LAMA2: variants seen among roughly 807,000 people sequenced by gnomAD.
LAMA2 encodes the protein laminin subunit alpha 2, also known as laminin subunit alpha-2.
LAMA2 carries 269 observed loss-of-function variants against 364.8 expected under a neutral mutation model. The observed-to-expected ratio is 0.74, with a 90% confidence interval of 0.67 to 0.82. The LOEUF is 0.82. Among genes scored for constraint, LAMA2 ranks in the 40% least tolerant of loss-of-function variants. LAMA2 has a pLI of 0.00. For synonymous variants in LAMA2, 1,379 were observed against 1,370.6 expected, an observed-to-expected ratio of 1.01 and a Z score of -0.14; for missense variants, 3,807 against 3,873.2, an observed-to-expected ratio of 0.98 and a Z score of 0.45.
chr6:129,307,303 G>A (rs1050196667), intron 22 of LAMA2, among the ~76,000 whole-genome samples: 2 of 152,204 alleles, frequency 1.3e-5, no homozygotes, highest in African/African-American at 4.8e-5. Flanking sequence ...AAGAATTTTT[G>A]CAGCCTAGGG....
At chr6:129,478,382 T>A (rs1405109155) in intron 53 of LAMA2, among the ~76,000 whole-genome samples, 7 of 152,196 alleles carry the variant, frequency 4.6e-5, no homozygotes, top group Non-Finnish European at 1.0e-4. Context: ...ATAAAACTTA[T>A]TTCATTACAC....
intron 1 of LAMA2, among the ~76,000 whole-genome samples, chr6:128,985,770 C>T (rs1458314877): frequency 6.6e-6 from 1 of 151,878 alleles, no homozygotes; most frequent in Non-Finnish European, 1.5e-5. Context: ...CTGTAATCTG[C>T]AAATATTTAA....
At chr6:128,887,696 C>T (rs1013730218) in intron 1 of LAMA2, among the ~76,000 whole-genome samples, 3 of 151,936 alleles carry the variant, frequency 2.0e-5, no homozygotes, top group Non-Finnish European at 2.9e-5. Flanking sequence ...TAACGGAAAC[C>T]GTGTCTCTAC....
chr6:129,210,082 A>G (rs1216460149), intron 12 of LAMA2, among the ~76,000 whole-genome samples: 1 of 151,670 alleles, frequency 6.6e-6, no homozygotes, highest in Non-Finnish European at 1.5e-5. Context: ...GGGGAAATCT[A>G]CGTTTTTAAT....
At chr6:128,924,267 A>G (rs73773562) in intron 1 of LAMA2, among the ~76,000 whole-genome samples, 1 of 152,074 alleles carries the variant, frequency 6.6e-6, no homozygotes, top group African/African-American at 2.4e-5. Context: ...CTATTACCCA[A>G]GTCTTTCCAT....
chr6:129,503,577 A>G (rs1785813776), intron 60 of LAMA2, among the ~76,000 whole-genome samples: 1 of 152,238 alleles, frequency 6.6e-6, no homozygotes, highest in African/African-American at 2.4e-5. Flanking sequence ...CCACTGCTCT[A>G]AGTGAGAAAC....
intron 1 of LAMA2, among the ~76,000 whole-genome samples, chr6:129,046,628 A>G (rs1385819436): frequency 6.6e-6 from 1 of 152,190 alleles, no homozygotes. Context: ...CATATCCACC[A>G]TTATGTTTAT....
intron 2 of LAMA2, among the ~76,000 whole-genome samples, chr6:129,056,912 T>C (rs1437700952): frequency 8.5e-6 from 1 of 117,774 alleles, no homozygotes; most frequent in African/African-American, 3.3e-5. Flanking sequence ...TTTTTTTTTT[T>C]CATAGAGATG....
chr6:129,367,331 T>C (rs139429635), intron 33 of LAMA2, among the ~76,000 whole-genome samples: 4 of 152,214 alleles, frequency 2.6e-5, no homozygotes, highest in Non-Finnish European at 4.4e-5. Context: ...TTCATGACTC[T>C]TTTAATATCT....
At chr6:129,493,090 G>T (rs1245445335) in intron 58 of LAMA2, among the ~76,000 whole-genome samples, 1 of 152,132 alleles carries the variant, frequency 6.6e-6, no homozygotes, top group East Asian at 1.9e-4. Context: ...AGGAGGCGGA[G>T]GTTGCAGTGA....
At chr6:129,132,150 A>C (rs1289409533) in intron 4 of LAMA2, among the ~76,000 whole-genome samples, 2 of 151,806 alleles carry the variant, frequency 1.3e-5, no homozygotes, top group Non-Finnish European at 2.9e-5. Context: ...TTGAGCTAGA[A>C]AGAACTCTGA....
At chr6:128,963,001 AC>A (rs1781625407) in intron 1 of LAMA2, among the ~76,000 whole-genome samples, 1 of 152,130 alleles carries the variant, frequency 6.6e-6, no homozygotes, top group South Asian at 2.1e-4. Flanking sequence ...TATTTTTAGT[AC>A]CTCTGTTGTC....
rs935834636 is a variant in LAMA2 at position 129,473,495 on chromosome 6, A to G, written c.7439+143A>G. 56 of 729,428 alleles carry G rather than the reference A, an allele frequency of 7.7e-5. 1 individual carries two copies. In the Admixed American group the frequency reaches 1.1e-3, roughly 15 times the overall value. The allele number at this position is 729,428 out of a possible 1,614,324, so 45.2% of individuals were successfully genotyped here. On this transcript the variant is annotated intron_variant, in intron 52 of 64. Transcript: ENST00000421865. ...GGCCTAATCAAAAACATCATGTTGCATGTTAGAACAACACCAGGATTTAGA... is the reference window on the plus strand; with the variant it reads ...GGCCTAATCAAAAACATCATGTTGCGTGTTAGAACAACACCAGGATTTAGA...
intron 9 of LAMA2, among the ~76,000 whole-genome samples, chr6:129,170,403 C>T (rs1780061674): frequency 7.1e-6 from 1 of 141,712 alleles, no homozygotes. Context: ...TTTATTTCTG[C>T]CTTCATTTCG....
At chr6:129,329,116 TG>T (rs1459468833) in intron 29 of LAMA2, among the ~76,000 whole-genome samples, 1 of 152,188 alleles carries the variant, frequency 6.6e-6, no homozygotes, top group Non-Finnish European at 1.5e-5. Context: ...AGGTTGCCCC[TG>T]TCACCACTTG....
In LAMA2 at chr6:129,516,388, G is replaced by C. The variant is rs779521697; in HGVS notation, c.*41G>C. On this transcript the variant is annotated 3_prime_UTR_variant, in exon 65 of 65. Transcript: ENST00000421865. ...CCCCAGGAAGAGTCTGTCAAAACAA[G>C]TATATCAAGTAAAACAAACAAATAT... 14 of 1,582,388 alleles carry C rather than the reference G, an allele frequency of 8.8e-6. No homozygotes were observed. The highest frequency in any genetic ancestry group is 1.1e-5 in the Non-Finnish European group (13 of 1,153,984).
intron 3 of LAMA2, among the ~76,000 whole-genome samples, chr6:129,071,292 C>A (rs1773292971): frequency 6.6e-6 from 1 of 151,816 alleles, no homozygotes; most frequent in African/African-American, 2.4e-5. Context: ...GTTGTGTAAC[C>A]TTTGTTTTTC....
At chr6:129,411,046 T>TTCA (rs1780516329) in intron 40 of LAMA2, among the ~76,000 whole-genome samples, 1 of 152,196 alleles carries the variant, frequency 6.6e-6, no homozygotes, top group African/African-American at 2.4e-5. Flanking sequence ...GATTGGGTGA[T>TTCA]GCACAGCAAT....
chr6:128,948,208 G>C (rs1268379346), intron 1 of LAMA2, among the ~76,000 whole-genome samples: 2 of 152,074 alleles, frequency 1.3e-5, no homozygotes, highest in African/African-American at 2.4e-5. Context: ...CTTGATTCCA[G>C]ACTGTGAACA....
Sources: gnomAD v4.1 joint callset for allele counts (sites outside exome capture counted in the v4.1 genomes callset) on GRCh38, gnomAD v4.1.1 for gene constraint, MANE v1.5 for transcripts, NCBI Gene and HGNC (gene_info 2026-07-23, HGNC 2026-07-21) for gene names.